The following HEATR1 variants were observed in gnomAD, a reference collection of about 807,000 sequenced individuals.
The protein encoded by HEATR1 is HEAT repeat containing 1.
In HEATR1, 77 loss-of-function variants were observed where a neutral mutation model predicts 248.2. The ratio of observed to expected loss-of-function variants is 0.31; its 90% CI spans 0.26 to 0.37. The LOEUF (loss-of-function observed/expected upper bound fraction) is 0.37, where lower values mean the gene tolerates loss of function less well. Among genes scored for constraint, HEATR1 ranks in the 10% least tolerant of loss-of-function variants. The pLI is 1.00. For missense variants in HEATR1, 2,420 were observed against 2,504.9 expected (o/e 0.97, Z 0.72); for synonymous variants, 897 against 923.1 (o/e 0.97, Z 0.51).
At chr1:236,562,295 T>C (rs1164997840) in intron 32 of HEATR1, among the ~76,000 whole-genome samples, 1 of 152,254 alleles carries the variant, frequency 6.6e-6, no homozygotes, top group Non-Finnish European at 1.5e-5. Flanking sequence ...GGCTTTCTAT[T>C]GAATCAAAAT....
chr1:236,566,996 AT>A, intron 29 of HEATR1, 120 bp from the exon 30 acceptor site: 1 of 661,182 alleles, frequency 1.5e-6, no homozygotes, highest in South Asian at 1.9e-5. Context: ...AATTTTATTT[AT>A]TTTTTTAGAG....
intron 20 of HEATR1, 65 bp from the exon 21 acceptor site, chr1:236,577,014 A>T: frequency 7.9e-7 from 1 of 1,273,452 alleles, no homozygotes; most frequent in South Asian, 1.6e-5. Flanking sequence ...CAAAATTTAC[A>T]TAGTACCAAA....
At position 236,554,644 on chromosome 1, in the gene HEATR1, A is replaced by C; in HGVS notation, c.6032T>G (p.Ile2011Arg). 6.2e-7 allele frequency: 1 copy of C among 1,613,356 alleles called. No individual in the cohort carries two copies. Among genetic ancestry groups the C allele is most frequent in the Non-Finnish European group, 8.5e-7 (1 of 1,179,778 alleles). Reference sequence around the variant, plus strand: ...CAAGGCTTCTGCTCTCTCTTTACTTATAAAATGCTGGGTATCAAAAAGGAA... The same window carrying C: ...CAAGGCTTCTGCTCTCTCTTTACTTCTAAAATGCTGGGTATCAAAAAGGAA... ...KIFLFDTQHF[I>R]SKERAEALMM... Residue 2011 changes from isoleucine (I) to arginine (R), a missense_variant, in exon 42 of 45, where the codon ATA becomes AGA. Ile to Arg is a moderately conservative substitution (Grantham distance 97). Transcript: ENST00000366582.
chr1:236,571,998 T>A (rs531068797), intron 26 of HEATR1, among the ~76,000 whole-genome samples: 1 of 152,252 alleles, frequency 6.6e-6, no homozygotes, highest in South Asian at 2.1e-4. Flanking sequence ...CTACAATTCA[T>A]ACTCAATTTA....
rs1662683668 is a variant in HEATR1 at position 236,550,603 on chromosome 1, A to C, written c.*299T>G. ...TCAGCTTTGGGTGCTAAAATTAACAAGTCTAATATTATTACCATCAATCAG... is the reference window on the plus strand; with the variant it reads ...TCAGCTTTGGGTGCTAAAATTAACACGTCTAATATTATTACCATCAATCAG... On this transcript the variant is annotated 3_prime_UTR_variant, in exon 45 of 45. Coordinates refer to ENST00000366582, the MANE Select transcript of HEATR1 (RefSeq NM_018072.6). The C allele has an allele frequency of 3.4e-6, 1 of 296,026 alleles. No individual in the cohort carries two copies. The highest frequency in any genetic ancestry group is 2.2e-5 in the African/African-American group (1 of 45,988). 18.3% of individuals were successfully genotyped at this position (296,026 alleles called of 1,614,324 possible). A position where few individuals can be genotyped will look rare whatever the true frequency, so the allele number is the denominator to read the frequency against.
At chr1:236,598,321 T>C (rs766036290) in intron 4 of HEATR1, among the ~76,000 whole-genome samples, 3 of 152,224 alleles carry the variant, frequency 2.0e-5, no homozygotes, top group African/African-American at 4.8e-5. Context: ...GCTTCTGTCA[T>C]TGCTTTACAA....
chr1:236,601,967 T>TA (rs34239680), intron 3 of HEATR1, among the ~76,000 whole-genome samples: 20,452 of 146,926 alleles, frequency 0.14, 1,504 homozygotes, highest in African/African-American at 0.19. Flanking sequence ...CCATCTTTAC[T>TA]AAAAAAAAAA....
At chr1:236,563,021 G>C (rs183049710) in intron 32 of HEATR1, among the ~76,000 whole-genome samples, 27 of 152,290 alleles carry the variant, frequency 1.8e-4, no homozygotes, top group African/African-American at 5.1e-4. Flanking sequence ...TGTCTACACT[G>C]ATCTCTCTTA....
At chr1:236,557,084 C>T (rs1169166120) in intron 37 of HEATR1, 111 bp downstream of exon 37, 1 of 1,127,616 alleles carries the variant, frequency 8.9e-7, no homozygotes, top group Non-Finnish European at 1.2e-6. Flanking sequence ...AATAAGACTC[C>T]TTTCTGTCAA....
chr1:236,550,685 T>C lies in HEATR1; in HGVS notation c.*217A>G, dbSNP rs1662688072. Reference sequence around the variant, plus strand: ...GCAGTCTGTATAAAAATACCGTGTATCATTTACTCTTTCTGCAGCTCTATA... The same window carrying C: ...GCAGTCTGTATAAAAATACCGTGTACCATTTACTCTTTCTGCAGCTCTATA... On this transcript the variant is annotated 3_prime_UTR_variant, in exon 45 of 45. Coordinates refer to ENST00000366582, the MANE Select transcript of HEATR1 (RefSeq NM_018072.6). The C allele has an allele frequency of 2.2e-6, 1 of 462,984 alleles. No homozygotes were observed. The highest frequency in any genetic ancestry group is 4.7e-5 in the South Asian group (1 of 21,416). 28.7% of individuals were successfully genotyped at this position (462,984 alleles called of 1,614,324 possible). A position where few individuals can be genotyped will look rare whatever the true frequency, so the allele number is the denominator to read the frequency against.
chr1:236,591,786 T>C (rs925376796), intron 11 of HEATR1, among the ~76,000 whole-genome samples: 4 of 152,212 alleles, frequency 2.6e-5, no homozygotes, highest in African/African-American at 7.2e-5. Context: ...ATCACGTTCA[T>C]AGTTATGTAC....
At chr1:236,557,643 T>C (rs950632367) in intron 36 of HEATR1, among the ~76,000 whole-genome samples, 5 of 152,212 alleles carry the variant, frequency 3.3e-5, no homozygotes, top group African/African-American at 1.2e-4. Context: ...AGAAATCCTA[T>C]GAGGTAGATA....
chr1:236,586,000 T>C (rs113876412), intron 15 of HEATR1, 59 bp from the exon 16 acceptor site: 30 of 1,588,610 alleles, frequency 1.9e-5, no homozygotes, highest in Middle Eastern at 1.7e-4. Context: ...AAGAATCACA[T>C]GAAGAATTCA....
At chr1:236,574,435 C>T (rs1663511906) in intron 23 of HEATR1, 102 bp from the exon 24 acceptor site, 2 of 1,397,198 alleles carry the variant, frequency 1.4e-6, no homozygotes, top group African/African-American at 1.5e-5. Flanking sequence ...TTGTTTCCCA[C>T]TTAATTTTGT....
rs757083397 is a variant in HEATR1, at chr1:236,572,393, A to C, written c.3707+18T>G. 8.7e-6 allele frequency: 14 copies of C among 1,613,194 alleles called. No homozygotes were observed. The African/African-American group carries it at 1.3e-4, about 15-fold the overall frequency. On this transcript the variant is annotated intron_variant, in intron 26 of 44. Coordinates refer to ENST00000366582, the MANE Select transcript of HEATR1 (RefSeq NM_018072.6). ...TTAGAGTCCTATTCTCTCACAGATC[A>C]AAGCCAAGTGTCATTACCTTGATAG...
chr1:236,576,453 C>T (rs562380610), intron 21 of HEATR1, 76 bp from the exon 22 acceptor site: 98 of 1,056,184 alleles, frequency 9.3e-5, no homozygotes, highest in Non-Finnish European at 1.2e-4. Flanking sequence ...TTACGGAAGA[C>T]TCTTACCCAA....
chr1:236,567,406 T>C (rs1663302051), intron 29 of HEATR1, among the ~76,000 whole-genome samples: 1 of 152,186 alleles, frequency 6.6e-6, no homozygotes, highest in Non-Finnish European at 1.5e-5. Context: ...GGAGATTTAT[T>C]TTCTGTATGA....
rs1443259829 is a variant in HEATR1, at chr1:236,574,309, T to C, written c.3352A>G (p.Ile1118Val). The change falls in exon 24 of 45, where the codon ATA becomes GTA. Residue 1118 changes from isoleucine to valine, a missense_variant. Coordinates refer to ENST00000366582, the MANE Select transcript of HEATR1 (RefSeq NM_018072.6). ...TTCTGCTGAACTTTTTCATCTGATA[T>C]GGCTGCAAAAAATGGTTTTGTAATC... ...EKITKPFFAA[I>V]SDEKVQQKLL... 6.2e-7 allele frequency: 1 copy of C among 1,609,760 alleles called. No individual in the cohort carries two copies. Among genetic ancestry groups the C allele is most frequent in the Non-Finnish European group, 8.5e-7 (1 of 1,178,648 alleles).
chr1:236,551,199 CT>C (rs1482450396), intron 44 of HEATR1: 4 of 529,470 alleles, frequency 7.6e-6, no homozygotes, highest in African/African-American at 5.8e-5. Context: ...CAGGCTTGCA[CT>C]GGAAGCTGAA....
Sources: allele counts gnomAD v4.1 joint callset (sites outside exome capture counted in the v4.1 genomes callset), GRCh38; gene constraint gnomAD v4.1.1; transcripts MANE v1.5; gene names NCBI Gene and HGNC (gene_info 2026-07-23, HGNC 2026-07-21).